GABRB1: variants seen among roughly 807,000 people sequenced by gnomAD.
The protein encoded by GABRB1 is gamma-aminobutyric acid receptor subunit beta-1.
Under a neutral mutation model 51.6 loss-of-function variants are expected in GABRB1, and 17 were observed. The observed-to-expected ratio is 0.33, with a 90% CI of 0.23 to 0.49. The LOEUF is 0.49. Among genes scored for constraint, GABRB1 ranks in the 20% least tolerant of loss-of-function variants. GABRB1 has a pLI of 0.99. For synonymous variants in GABRB1, 247 were observed against 218.9 expected, an observed-to-expected ratio of 1.13 and a Z score of -1.14; for missense variants, 410 against 600.6, an observed-to-expected ratio of 0.68 and a Z score of 3.32.
chr4:47,423,692 T>G (rs929081032), intron 8 of GABRB1, among the ~76,000 whole-genome samples: 1 of 152,196 alleles, frequency 6.6e-6, no homozygotes, highest in Non-Finnish European at 1.5e-5. Flanking sequence ...TTGATTAACA[T>G]ACAAAGAGGA....
chr4:47,314,456 C>T (rs1299373443), intron 4 of GABRB1, among the ~76,000 whole-genome samples: 2 of 151,858 alleles, frequency 1.3e-5, no homozygotes, highest in Admixed American at 1.3e-4. Context: ...AATGCATGTC[C>T]TGATTTAATA....
intron 5 of GABRB1, among the ~76,000 whole-genome samples, chr4:47,389,279 A>G (rs1243393399): frequency 3.3e-5 from 5 of 152,188 alleles, no homozygotes; most frequent in Admixed American, 1.3e-4. Context: ...ATTTCTCAAT[A>G]ACAAAACTGT....
intron 8 of GABRB1, among the ~76,000 whole-genome samples, chr4:47,416,917 G>T (rs1044572503): frequency 1.3e-5 from 2 of 152,142 alleles, no homozygotes; most frequent in African/African-American, 4.8e-5. Context: ...AAAGAACAAG[G>T]CATGGAATAT....
chr4:47,378,316 G>C (rs903886881), intron 5 of GABRB1, among the ~76,000 whole-genome samples: 28 of 152,352 alleles, frequency 1.8e-4, no homozygotes, highest in Admixed American at 1.3e-3. Flanking sequence ...CTCATTGCCT[G>C]GCGCGCCGGC....
chr4:47,285,580 C>A (rs1723478365), intron 4 of GABRB1, among the ~76,000 whole-genome samples: 1 of 152,188 alleles, frequency 6.6e-6, no homozygotes, highest in Non-Finnish European at 1.5e-5. Context: ...CCAGGGCCAG[C>A]ACCAACAGCA....
At chr4:47,216,726 T>C (rs1275064273) in intron 4 of GABRB1, among the ~76,000 whole-genome samples, 1 of 151,828 alleles carries the variant, frequency 6.6e-6, no homozygotes, top group African/African-American at 2.4e-5. Flanking sequence ...AAGAATAAAG[T>C]TTGACAATAA....
chr4:47,161,167 C>T (rs1054103894), intron 3 of GABRB1, 82 bp from the exon 4 acceptor site: 58 of 928,364 alleles, frequency 6.2e-5, no homozygotes, highest in Non-Finnish European at 8.5e-5. Context: ...TAATCTCTTA[C>T]AGGACATCCT....
chr4:47,272,179 T>G (rs984533858), intron 4 of GABRB1, among the ~76,000 whole-genome samples: 17 of 152,136 alleles, frequency 1.1e-4, no homozygotes, highest in Non-Finnish European at 2.4e-4. Context: ...TTCCTGCACT[T>G]AACTAGTAGA....
intron 3 of GABRB1, among the ~76,000 whole-genome samples, chr4:47,098,151 A>AACACACACACACAC (rs59294163): frequency 6.7e-6 from 1 of 148,228 alleles, no homozygotes; most frequent in African/African-American, 2.5e-5. Flanking sequence ...TTTTAGTACA[A>AACACACACACACAC]ACACACACAC....
chr4:47,213,353 A>G (rs1265334904), intron 4 of GABRB1, among the ~76,000 whole-genome samples: 1 of 152,176 alleles, frequency 6.6e-6, no homozygotes, highest in Non-Finnish European at 1.5e-5. Context: ...AACTTTTCTG[A>G]CAAATTTCAA....
At chr4:47,395,771 C>CA (rs1157077906) in intron 5 of GABRB1, among the ~76,000 whole-genome samples, 1 of 152,112 alleles carries the variant, frequency 6.6e-6, no homozygotes, top group Non-Finnish European at 1.5e-5. Flanking sequence ...CTAGTCCCCC[C>CA]AAAAGAAATT....
In GABRB1 at chr4:47,406,586, C is replaced by A. The variant is rs79183288; in HGVS notation, c.836-96C>A. 868 of 1,472,992 alleles carry A rather than the reference C, an allele frequency of 5.9e-4. 17 individuals are homozygous for A. The East Asian group carries it at 0.019, about 33-fold the overall frequency. 91.2% of individuals were successfully genotyped at this position (1,472,992 alleles called of 1,614,324 possible). A position where few individuals can be genotyped will look rare whatever the true frequency, so the allele number is the denominator to read the frequency against. ...TGCTACTGTGATCACTCAGGGGCAC[C>A]AATAAGGAAGTGGCAAATGGCATCT... On this transcript the variant is annotated intron_variant, in intron 7 of 8. Transcript: ENST00000295454.
chr4:47,020,390 C>T (rs965365025), intron 1 of GABRB1, among the ~76,000 whole-genome samples: 1 of 152,090 alleles, frequency 6.6e-6, no homozygotes, highest in African/African-American at 2.4e-5. Context: ...TGTATACTTC[C>T]AACCAAGGCC....
chr4:47,272,215 G>T (rs1458895288), intron 4 of GABRB1, among the ~76,000 whole-genome samples: 2 of 152,070 alleles, frequency 1.3e-5, no homozygotes, highest in African/African-American at 4.8e-5. Flanking sequence ...GCAACATAAT[G>T]GTTGTAAAGA....
chr4:47,027,765 A>C (rs1416078159), upstream of GABRB1, among the ~76,000 whole-genome samples: 1 of 151,758 alleles, frequency 6.6e-6, no homozygotes, highest in Non-Finnish European at 1.5e-5. Flanking sequence ...GGATATGTAA[A>C]TATCTTGAAA....
chr4:47,057,829 T>C (rs1489207116), intron 3 of GABRB1, among the ~76,000 whole-genome samples: 1 of 152,174 alleles, frequency 6.6e-6, no homozygotes, highest in East Asian at 1.9e-4. Context: ...TAGTCACTAG[T>C]GTTGAAGCAT....
chr4:47,127,740 A>G (rs1460958079), intron 3 of GABRB1, among the ~76,000 whole-genome samples: 1 of 151,882 alleles, frequency 6.6e-6, no homozygotes, highest in Non-Finnish European at 1.5e-5. Context: ...AGGGAAGTAT[A>G]TAGAGCTTTT....
At chr4:47,235,200 G>T (rs2109840591) in intron 4 of GABRB1, among the ~76,000 whole-genome samples, 1 of 152,200 alleles carries the variant, frequency 6.6e-6, no homozygotes, top group South Asian at 2.1e-4. Flanking sequence ...TCATAAGGAA[G>T]AAATTTAGCA....
chr4:47,195,439 G>A (rs1260918737), intron 4 of GABRB1, among the ~76,000 whole-genome samples: 1 of 103,416 alleles, frequency 9.7e-6, no homozygotes, highest in African/African-American at 4.4e-5. Flanking sequence ...TAGATAGATA[G>A]ATAGATGATA....
Sources: gnomAD v4.1 joint callset for allele counts (sites outside exome capture counted in the v4.1 genomes callset) on GRCh38, gnomAD v4.1.1 for gene constraint, MANE v1.5 for transcripts, NCBI Gene and HGNC (gene_info 2026-07-23, HGNC 2026-07-21) for gene names.